Variants in EDC3 observed in about 807,000 individuals in gnomAD.
EDC3 encodes enhancer of mRNA decapping 3.
EDC3 carries 20 observed loss-of-function variants against 41.8 expected under a neutral mutation model. The ratio of observed to expected loss-of-function variants is 0.48; its 90% CI spans 0.34 to 0.70. The LOEUF (loss-of-function observed/expected upper bound fraction) is 0.70. EDC3 is among the 30% of genes least tolerant of loss of function. The probability of loss-of-function intolerance (pLI) is 0.01; values close to 1 mark genes in which losing one functional copy is unlikely to be tolerated. For missense variants in EDC3, 444 were observed against 636.8 expected (o/e 0.70, Z 3.26); for synonymous variants, 206 against 243.2 (o/e 0.85, Z 1.42).
intron 6 of EDC3, among the ~76,000 whole-genome samples, chr15:74,634,484 T>A (rs563497243): frequency 1.6e-4 from 25 of 152,164 alleles, no homozygotes; most frequent in Non-Finnish European, 3.5e-4. Flanking sequence ...CACTTCAGAT[T>A]CATATAACTC....
chr15:74,674,773 G>A (rs1458613354), intron 2 of EDC3, 188 bp downstream of exon 2: 3 of 620,064 alleles, frequency 4.8e-6, no homozygotes, highest in East Asian at 5.6e-5. Context: ...CCAGCACTTC[G>A]GGAGGCCACA....
Position 74,683,422 on chromosome 15 carries a change from C to A in EDC3, c.-18-8280G>T, listed in dbSNP as rs565426233. On this transcript the variant is annotated intron_variant, in intron 1 of 6. Transcript: ENST00000315127. Reference sequence around the variant, plus strand: ...TGGTGGCAAGCGCCTATAGTCCCAGCTACTCGGGAGGCTGAGGCAGGAGAA... The same window carrying A: ...TGGTGGCAAGCGCCTATAGTCCCAGATACTCGGGAGGCTGAGGCAGGAGAA... Among the ~76,000 whole-genome samples, 13 of 152,294 alleles carry A rather than the reference C, an allele frequency of 8.5e-5. No homozygotes were observed. The South Asian group carries it at 2.7e-3, about 32-fold the overall frequency.
At chr15:74,675,696 C>A (rs543723154) in intron 1 of EDC3, among the ~76,000 whole-genome samples, 1 of 149,992 alleles carries the variant, frequency 6.7e-6, no homozygotes, top group Non-Finnish European at 1.5e-5. Flanking sequence ...CTGGCTAACA[C>A]GGTGAAACCC....
At chr15:74,666,783 T>A (rs1398732646) in intron 3 of EDC3, among the ~76,000 whole-genome samples, 1 of 152,230 alleles carries the variant, frequency 6.6e-6, no homozygotes, top group Non-Finnish European at 1.5e-5. Flanking sequence ...CATGATGCTA[T>A]GTATTTGTCA....
rs1415545817 is a variant in EDC3 at position 74,675,067 on chromosome 15, C to A, written c.58G>T (p.Val20Phe). 6.2e-7 allele frequency: 1 copy of A among 1,613,998 alleles called. No individual in the cohort carries two copies. The highest frequency in any genetic ancestry group is 1.7e-5 in the Admixed American group (1 of 60,020). The part of the protein sequence containing the change: ...VSINCGDSLG[V>F]YQGRVSAVDQ... Reference sequence around the variant, plus strand: ...ACAGCTGACACTCTTCCCTGATAGACACCCAAGCTATCTCCACAATTGATG... The same window carrying A: ...ACAGCTGACACTCTTCCCTGATAGAAACCCAAGCTATCTCCACAATTGATG... The change falls in exon 2 of 7, where the codon GTC becomes TTC. Residue 20 changes from valine (V) to phenylalanine (F), a missense_variant. By Grantham distance (50) the Val-to-Phe change is conservative. Transcript: ENST00000315127.
At chr15:74,669,633 C>T (rs570505563) in intron 3 of EDC3, among the ~76,000 whole-genome samples, 19 of 152,218 alleles carry the variant, frequency 1.2e-4, no homozygotes, top group Non-Finnish European at 2.6e-4. Context: ...AGAATTCACC[C>T]AGCACACTAA....
At chr15:74,635,283 T>C (rs181489017) in intron 6 of EDC3, 126 bp downstream of exon 6, 1 of 855,714 alleles carries the variant, frequency 1.2e-6, no homozygotes, top group East Asian at 2.5e-5. Context: ...TAAGACTCCT[T>C]AGAGGCGAAG....
intron 1 of EDC3, among the ~76,000 whole-genome samples, chr15:74,691,790 C>T (rs903567986): frequency 6.6e-6 from 1 of 152,138 alleles, no homozygotes; most frequent in Admixed American, 6.6e-5. Context: ...CACAAAAATA[C>T]TTGCATATTA....
At chr15:74,686,609 A>G (rs529531809) in intron 1 of EDC3, among the ~76,000 whole-genome samples, 4 of 152,026 alleles carry the variant, frequency 2.6e-5, no homozygotes, top group Non-Finnish European at 5.9e-5. Context: ...GTGAAACCCC[A>G]TCTCTACTAA....
intron 2 of EDC3, 101 bp downstream of exon 2, chr15:74,674,860 C>G: frequency 7.2e-7 from 1 of 1,381,718 alleles, no homozygotes; most frequent in East Asian, 2.3e-5. Context: ...ACTAAAAATA[C>G]AAAAAGCGGC....
At chr15:74,649,843 T>C (rs1180626429) in intron 4 of EDC3, among the ~76,000 whole-genome samples, 2 of 129,110 alleles carry the variant, frequency 1.5e-5, no homozygotes, top group East Asian at 2.8e-4. Context: ...GCACAAAGCA[T>C]TGCAGGAGGG....
intron 1 of EDC3, among the ~76,000 whole-genome samples, chr15:74,691,539 T>G (rs776140122): frequency 6.6e-6 from 1 of 152,102 alleles, no homozygotes; most frequent in African/African-American, 2.4e-5. Context: ...CTCTACAACA[T>G]CTTGGAAATC....
At position 74,655,855 on chromosome 15, in the gene EDC3, G is replaced by C; in HGVS notation, c.698C>G (p.Ser233Cys). ...DTYERRSGTR[S>C]RGIPNERPTR... ...GGGCCTTTCATTTGGGATGCCCCGGGAACGGGTACCACTTCTCCTTTCATA... is the reference window on the plus strand; with the variant it reads ...GGGCCTTTCATTTGGGATGCCCCGGCAACGGGTACCACTTCTCCTTTCATA... Residue 233 changes from serine to cysteine, a missense_variant, in exon 4 of 7, where the codon TCC (serine) becomes TGC (cysteine). Transcript: ENST00000315127. The C allele has an allele frequency of 6.2e-7, 1 of 1,614,120 alleles. No homozygotes were observed. Among genetic ancestry groups the C allele is most frequent in the Non-Finnish European group, 8.5e-7 (1 of 1,180,026 alleles).
intron 4 of EDC3, among the ~76,000 whole-genome samples, chr15:74,649,526 T>A (rs1373260957): frequency 6.6e-6 from 1 of 152,202 alleles, no homozygotes; most frequent in African/African-American, 2.4e-5. Context: ...GTCTGGCACA[T>A]AGTAGGTATT....
chr15:74,657,508 A>C (rs751490110), intron 3 of EDC3, among the ~76,000 whole-genome samples: 1 of 152,246 alleles, frequency 6.6e-6, no homozygotes, highest in Non-Finnish European at 1.5e-5. Context: ...TGCGTGGAGT[A>C]AACGGGGCAC....
chr15:74,646,812 C>T (rs1255831237), intron 4 of EDC3, among the ~76,000 whole-genome samples: 2 of 151,936 alleles, frequency 1.3e-5, no homozygotes, highest in Non-Finnish European at 2.9e-5. Flanking sequence ...TTTCAAGGGA[C>T]ATAGGGAAGC....
intron 1 of EDC3, among the ~76,000 whole-genome samples, chr15:74,693,375 C>T (rs571195673): frequency 6.6e-6 from 1 of 152,308 alleles, no homozygotes; most frequent in South Asian, 2.1e-4. Context: ...CACATTTATA[C>T]ATGCTTCCTT....
intron 3 of EDC3, among the ~76,000 whole-genome samples, chr15:74,670,622 GT>G (rs966063102): frequency 6.6e-6 from 1 of 152,074 alleles, no homozygotes; most frequent in Non-Finnish European, 1.5e-5. Flanking sequence ...CAGAGACGAG[GT>G]TTCAACATGT....
intron 4 of EDC3, among the ~76,000 whole-genome samples, chr15:74,646,682 A>G (rs1396731728): frequency 1.3e-5 from 2 of 152,198 alleles, no homozygotes; most frequent in Non-Finnish European, 2.9e-5. Context: ...GGTGGTATGA[A>G]GGCTCAGTGT....
Sources: gnomAD v4.1 joint callset for allele counts (sites outside exome capture counted in the v4.1 genomes callset) on GRCh38, gnomAD v4.1.1 for gene constraint, MANE v1.5 for transcripts, NCBI Gene and HGNC (gene_info 2026-07-23, HGNC 2026-07-21) for gene names.